Variants in IQUB observed in about 807,000 individuals in gnomAD.
The protein encoded by IQUB is IQ motif and ubiquitin domain containing.
A neutral mutation model predicts 86.4 loss-of-function variants in IQUB; 86 were observed. The ratio of observed to expected loss-of-function variants is 1.00; its 90% CI spans 0.84 to 1.19. The LOEUF is 1.19. IQUB is among the 50% of genes most tolerant of loss of function. The pLI is 0.00. For missense variants in IQUB, 946 were observed against 916.9 expected, an observed-to-expected ratio of 1.03 and a Z score of -0.41; for synonymous variants, 289 against 304.5, an observed-to-expected ratio of 0.95 and a Z score of 0.53.
chr7:123,527,607 G>A (rs1424793474), intron 1 of IQUB, among the ~76,000 whole-genome samples: 1 of 147,312 alleles, frequency 6.8e-6, no homozygotes, highest in Non-Finnish European at 1.5e-5. Context: ...GCTGGGGGGT[G>A]CCTCCCAGTT....
chr7:123,525,162 C>A (rs953182108), intron 1 of IQUB, among the ~76,000 whole-genome samples: 8 of 152,086 alleles, frequency 5.3e-5, no homozygotes, highest in Non-Finnish European at 2.9e-5. Context: ...CTAAAATTCT[C>A]TTTTTTGGTT....
intron 10 of IQUB, among the ~76,000 whole-genome samples, chr7:123,462,146 A>G (rs948756805): frequency 1.3e-5 from 2 of 151,856 alleles, no homozygotes; most frequent in Non-Finnish European, 1.5e-5. Context: ...ATTATTTACT[A>G]TGGGCTAAAG....
intron 11 of IQUB, among the ~76,000 whole-genome samples, chr7:123,458,972 T>G (rs958638074): frequency 6.6e-6 from 1 of 152,018 alleles, no homozygotes; most frequent in Non-Finnish European, 1.5e-5. Context: ...TATGCTAATC[T>G]TTGCTGTTGT....
intron 1 of IQUB, among the ~76,000 whole-genome samples, chr7:123,524,072 T>G (rs1797053365): frequency 1.4e-5 from 2 of 145,968 alleles, no homozygotes; most frequent in African/African-American, 2.5e-5. Context: ...TATCTCTGTT[T>G]TGGTACCAGT....
chr7:123,459,020 C>T (rs191157467), intron 11 of IQUB, among the ~76,000 whole-genome samples: 1 of 151,956 alleles, frequency 6.6e-6, no homozygotes, highest in South Asian at 2.1e-4. Context: ...TTCAAACATT[C>T]AAATTATGCC....
intron 6 of IQUB, 43 bp downstream of exon 6, chr7:123,502,554 A>G (rs1795990741): frequency 1.9e-6 from 3 of 1,558,450 alleles, no homozygotes; most frequent in South Asian, 1.2e-5. Context: ...ACTGGCTTAT[A>G]TATCAAATTT....
intron 12 of IQUB, among the ~76,000 whole-genome samples, chr7:123,453,700 C>G (rs1489090869): frequency 6.6e-6 from 1 of 151,984 alleles, no homozygotes; most frequent in Non-Finnish European, 1.5e-5. Context: ...AACTGCCAAC[C>G]TTTGAACTTT....
chr7:123,454,167 C>T lies in IQUB; in HGVS notation c.2194-1242G>A, dbSNP rs1223156849. ...TAAAATATTCATCTTTTGAGCTAAT[C>T]TAACTTTGTTTCTACCACTTCTTAG... On this transcript the variant is annotated intron_variant, in intron 12 of 12. Transcript: ENST00000324698. Among the ~76,000 whole-genome samples, 3 of 152,056 alleles carry T rather than the reference C, an allele frequency of 2.0e-5. No homozygotes were observed. In the East Asian group the frequency reaches 5.8e-4, roughly 29 times the overall value.
intron 6 of IQUB, chr7:123,501,565 G>C (rs1248856505): frequency 6.6e-6 from 1 of 152,140 alleles, no homozygotes; most frequent in Non-Finnish European, 1.5e-5. Context: ...AATTAGATCA[G>C]TAAGAAACAA....
intron 6 of IQUB, among the ~76,000 whole-genome samples, chr7:123,499,964 C>A (rs1007800929): frequency 6.6e-6 from 1 of 152,158 alleles, no homozygotes; most frequent in South Asian, 2.1e-4. Flanking sequence ...ACCAACATGG[C>A]GACAAGAGCG....
intron 11 of IQUB, chr7:123,457,878 T>C (rs1282860745): frequency 4.7e-6 from 1 of 213,262 alleles, no homozygotes; most frequent in Admixed American, 6.2e-5. Context: ...TGGTATTGAA[T>C]GATCTTTAAA....
chr7:123,528,414 A>G (rs1325351871), intron 1 of IQUB, among the ~76,000 whole-genome samples: 1 of 152,254 alleles, frequency 6.6e-6, no homozygotes, highest in Non-Finnish European at 1.5e-5. Context: ...CTCACAGATG[A>G]TATCATTATG....
At position 123,453,263 on chromosome 7, in the gene IQUB, A is replaced by AATATATATATAT. The variant is rs72054596; in HGVS notation, c.2194-350_2194-339dup. Reference sequence around the variant, plus strand: ...ATTCTAACTGGGGGTATCTAGTTAGAATATATATATATATATATATATTAT... The same window carrying AATATATATATAT: ...ATTCTAACTGGGGGTATCTAGTTAGAATATATATATATATATATATATATATATATATATTAT... On this transcript the variant is annotated intron_variant, in intron 12 of 12. Coordinates refer to ENST00000324698, the MANE Select transcript of IQUB (RefSeq NM_178827.5). Among the ~76,000 whole-genome samples the AATATATATATAT allele has an allele frequency of 2.8e-3, 389 of 138,190 alleles. 3 individuals carry two copies. The East Asian group carries it at 0.029, about 10-fold the overall frequency. The allele number at this position is 138,190 out of a possible 152,430, so 90.7% of individuals were successfully genotyped here.
intron 7 of IQUB, among the ~76,000 whole-genome samples, chr7:123,493,277 C>T (rs564540215): frequency 3.3e-5 from 5 of 152,202 alleles, no homozygotes; most frequent in African/African-American, 1.2e-4. Context: ...ACCTACCCAC[C>T]CCAACCCCAA....
intron 10 of IQUB, chr7:123,462,526 A>G: frequency 4.8e-6 from 1 of 208,262 alleles, no homozygotes; most frequent in East Asian, 1.1e-4. Flanking sequence ...TGAAAACTTC[A>G]TTGTCCCTTG....
intron 8 of IQUB, among the ~76,000 whole-genome samples, chr7:123,471,559 A>G (rs1369928756): frequency 6.6e-6 from 1 of 152,202 alleles, no homozygotes; most frequent in African/African-American, 2.4e-5. Flanking sequence ...CAAATACAAT[A>G]ACCTTTTTAT....
chr7:123,505,926 C>T (rs1796156679), intron 3 of IQUB, among the ~76,000 whole-genome samples: 1 of 152,180 alleles, frequency 6.6e-6, no homozygotes, highest in Admixed American at 6.5e-5. Context: ...GTTCCAGTTT[C>T]AGATCATCTC....
At chr7:123,456,787 A>C (rs1793716622) in intron 12 of IQUB, 1 of 152,100 alleles carries the variant, frequency 6.6e-6, no homozygotes, top group Non-Finnish European at 1.5e-5. Flanking sequence ...AAATTACAGT[A>C]AATGGCATTT....
At chr7:123,485,662 A>G (rs931751853) in intron 7 of IQUB, among the ~76,000 whole-genome samples, 1 of 152,188 alleles carries the variant, frequency 6.6e-6, no homozygotes, top group Non-Finnish European at 1.5e-5. Context: ...ATTCATTTTA[A>G]ATTTCTGAAA....
Sources: gnomAD v4.1 joint callset for allele counts (sites outside exome capture counted in the v4.1 genomes callset) on GRCh38, gnomAD v4.1.1 for gene constraint, MANE v1.5 for transcripts, NCBI Gene and HGNC (gene_info 2026-07-23, HGNC 2026-07-21) for gene names.